ARHGAP6: variants seen among roughly 807,000 people sequenced by gnomAD.
ARHGAP6 encodes Rho GTPase activating protein 6, also known as rho GTPase-activating protein 6.
ARHGAP6 carries 16 observed loss-of-function variants against 55.7 expected under a neutral mutation model. That is an observed-to-expected ratio of 0.29 (90% CI 0.19 to 0.44). ARHGAP6 has a LOEUF of 0.44. ARHGAP6 is among the 20% of genes least tolerant of loss of function. The pLI is 1.00. For synonymous variants in ARHGAP6, 382 were observed against 360.9 expected, an observed-to-expected ratio of 1.06 and a Z score of -0.66; for missense variants, 698 against 808.9, an observed-to-expected ratio of 0.86 and a Z score of 1.66.
chrX:11,493,162 T>C (rs1238341430), intron 1 of ARHGAP6, among the ~76,000 whole-genome samples: 1 of 112,399 alleles, frequency 8.9e-6, no homozygotes, highest in African/African-American at 3.2e-5. Context: ...TCCTAACTTA[T>C]ATGCACATTA....
At chrX:11,448,432 A>C (rs1313617017) in intron 1 of ARHGAP6, among the ~76,000 whole-genome samples, 2 of 111,691 alleles carry the variant, frequency 1.8e-5, no homozygotes, top group Admixed American at 1.9e-4. Flanking sequence ...CACAATTCTT[A>C]TCCCAGATGG....
intron 1 of ARHGAP6, among the ~76,000 whole-genome samples, chrX:11,410,570 C>T (rs1168274921): frequency 8.9e-6 from 1 of 112,348 alleles, no homozygotes; most frequent in Non-Finnish European, 1.9e-5. Flanking sequence ...GATGGTTGTA[C>T]AACTCCGTGA....
At chrX:11,165,911 C>T (rs1270400018) in intron 9 of ARHGAP6, among the ~76,000 whole-genome samples, 1 of 111,945 alleles carries the variant, frequency 8.9e-6, no homozygotes, top group East Asian at 2.8e-4. Flanking sequence ...AACTCTGCTG[C>T]ACACTCAAGT....
At chrX:11,357,207 G>A (rs1005244722) in intron 1 of ARHGAP6, among the ~76,000 whole-genome samples, 1 of 111,815 alleles carries the variant, frequency 8.9e-6, no homozygotes, top group African/African-American at 3.3e-5. Context: ...AATTACAATG[G>A]TATTGTGCTT....
At chrX:11,633,320 C>T (rs1176400904) in intron 1 of ARHGAP6, among the ~76,000 whole-genome samples, 4 of 112,384 alleles carry the variant, frequency 3.6e-5, no homozygotes, top group African/African-American at 1.3e-4. Context: ...CCCTCCCTGT[C>T]CCAGTGCCAT....
intron 8 of ARHGAP6, among the ~76,000 whole-genome samples, 188 bp downstream of exon 8, chrX:11,177,912 T>C (rs986467910): frequency 3.6e-5 from 4 of 111,677 alleles, no homozygotes; most frequent in Non-Finnish European, 5.6e-5. Context: ...AGGAGGCTCA[T>C]GGCCCATGCA....
At chrX:11,382,463 T>C (rs1439170069) in intron 1 of ARHGAP6, among the ~76,000 whole-genome samples, 3 of 111,832 alleles carry the variant, frequency 2.7e-5, no homozygotes, top group African/African-American at 9.7e-5. Context: ...TGATAAACTA[T>C]TGGCCTATTT....
chrX:11,488,821 C>A (rs1398605392), intron 1 of ARHGAP6, among the ~76,000 whole-genome samples: 1 of 111,648 alleles, frequency 9.0e-6, no homozygotes, highest in Non-Finnish European at 1.9e-5. Flanking sequence ...AACCATCCCC[C>A]CCACAACCCT....
At chrX:11,230,231 CTCTG>C (rs1285617516) in intron 2 of ARHGAP6, among the ~76,000 whole-genome samples, 1 of 111,726 alleles carries the variant, frequency 9.0e-6, no homozygotes, top group Non-Finnish European at 1.9e-5. Flanking sequence ...GTCTTTCTCA[CTCTG>C]TCACCAGGCT....
intron 1 of ARHGAP6, among the ~76,000 whole-genome samples, chrX:11,450,764 G>C (rs1452794534): frequency 8.9e-6 from 1 of 111,847 alleles, no homozygotes; most frequent in Non-Finnish European, 1.9e-5. Flanking sequence ...TGTGGTGCTA[G>C]CTGTCTTGTG....
At chrX:11,657,191 A>G (rs755536609) in intron 1 of ARHGAP6, among the ~76,000 whole-genome samples, 4 of 110,788 alleles carry the variant, frequency 3.6e-5, no homozygotes, top group African/African-American at 3.3e-5. Context: ...AAGGTTTTCA[A>G]TCAGGGGTTA....
chrX:11,655,563 T>G (rs1055171373), intron 1 of ARHGAP6, among the ~76,000 whole-genome samples: 1 of 112,482 alleles, frequency 8.9e-6, no homozygotes, highest in African/African-American at 3.2e-5. Flanking sequence ...TCTTTTTTTA[T>G]TATGGCCATC....
chrX:11,272,677 A>G (rs761380922), intron 1 of ARHGAP6, among the ~76,000 whole-genome samples: 4 of 110,953 alleles, frequency 3.6e-5, no homozygotes, highest in Admixed American at 1.9e-4. Flanking sequence ...AATGCTACCA[A>G]TTAAGAGATT....
intron 1 of ARHGAP6, among the ~76,000 whole-genome samples, chrX:11,559,186 C>A (rs973050439): frequency 3.7e-5 from 4 of 109,355 alleles, no homozygotes; most frequent in African/African-American, 1.3e-4. Context: ...AGAAGCAATG[C>A]CACTTTCACC....
chrX:11,222,185 T>G (rs1377420089), intron 2 of ARHGAP6, among the ~76,000 whole-genome samples: 2 of 112,289 alleles, frequency 1.8e-5, no homozygotes. Context: ...CCATGTGAAA[T>G]ATTAGTTGTA....
rs187664340 is a variant in ARHGAP6 at position 11,506,050 on chromosome X, A to T, written c.588+158191T>A. Among the ~76,000 whole-genome samples the T allele has an allele frequency of 4.5e-5, 5 of 111,347 alleles. No individual in the cohort carries two copies. In the East Asian group the frequency reaches 1.4e-3, roughly 31 times the overall value. On this transcript the variant is annotated intron_variant, in intron 1 of 12. Transcript: ENST00000337414. ...CCCTGAACCTAAAATAAAAGTTAAA[A>T]AAAGAACACAGAAGAGCTTGAACGG...
Position 11,196,976 on chromosome X carries a change from A to G in ARHGAP6, c.769T>C (p.Ser257Pro), listed in dbSNP as rs975870818. The G allele has an allele frequency of 9.3e-7, 1 of 1,080,262 alleles. No individual in the cohort carries two copies. The highest frequency in any genetic ancestry group is 1.8e-5 in the African/African-American group (1 of 55,529). 89.0% of individuals were successfully genotyped at this position (1,080,262 alleles called of 1,213,427 possible). Residue 257 changes from serine to proline, a missense_variant, in exon 3 of 13, where the codon TCT (serine) becomes CCT (proline). Ser to Pro is a moderately conservative substitution (Grantham distance 74, BLOSUM62 -1). This residue lies in a region of ARHGAP6 where 322 missense variants were observed against 451.1 expected (regional missense o/e 0.71). Transcript: ENST00000337414. ...IPKDGQKRKK[S>P]LRKKLDSLGK... ...AGTGAATCCAGTTTCTTTCTTAAAGATTTCTTTCTCTTTTGTCCATCTGTA... is the reference window on the plus strand; with the variant it reads ...AGTGAATCCAGTTTCTTTCTTAAAGGTTTCTTTCTCTTTTGTCCATCTGTA...
chrX:11,508,485 C>T (rs963686771), intron 1 of ARHGAP6, among the ~76,000 whole-genome samples: 3 of 111,439 alleles, frequency 2.7e-5, no homozygotes, highest in Non-Finnish European at 5.6e-5. Context: ...GCAGGCTTGC[C>T]CTGACCCCGA....
Position 11,581,033 on chromosome X carries a change from G to T in ARHGAP6, c.588+83208C>A, listed in dbSNP as rs760862548. ...CCCAGGGATTTGTGTGCAAGGTCAA[G>T]TGTGAACAGCGATTAATAGCTCAAT... On this transcript the variant is annotated intron_variant, in intron 1 of 12. Coordinates refer to ENST00000337414, the MANE Select transcript of ARHGAP6 (RefSeq NM_013427.3). Among the ~76,000 whole-genome samples the T allele has an allele frequency of 5.3e-5, 6 of 112,410 alleles. No homozygotes were observed. The South Asian group carries it at 2.2e-3, about 41-fold the overall frequency.
Sources: allele counts gnomAD v4.1 joint callset (sites outside exome capture counted in the v4.1 genomes callset), GRCh38; gene constraint gnomAD v4.1.1; regional missense constraint gnomAD v4.1.1; transcripts MANE v1.5; gene names NCBI Gene and HGNC (gene_info 2026-07-23, HGNC 2026-07-21).